GATAD2B: variants seen among roughly 807,000 people sequenced by gnomAD.
GATAD2B encodes transcriptional repressor p66-beta.
GATAD2B carries 8 observed loss-of-function variants against 64.3 expected under a neutral mutation model. That is an observed-to-expected ratio of 0.12 (90% confidence interval 0.07 to 0.22). The LOEUF is 0.22. Ranked by LOEUF, GATAD2B falls within the 10% of genes least tolerant of loss-of-function variation. The pLI is 1.00. For missense variants in GATAD2B, 453 were observed against 752.0 expected, an observed-to-expected ratio of 0.60 and a Z score of 4.65; for synonymous variants, 281 against 271.3, an observed-to-expected ratio of 1.04 and a Z score of -0.35.
intron 1 of GATAD2B, among the ~76,000 whole-genome samples, chr1:153,879,003 G>A (rs1237530284): frequency 6.6e-6 from 1 of 151,096 alleles, no homozygotes; most frequent in Non-Finnish European, 1.5e-5. Context: ...GCAGTGGTAC[G>A]ATCTTGGCTC....
chr1:153,874,634 T>C (rs1017238552), intron 1 of GATAD2B, among the ~76,000 whole-genome samples: 1 of 152,094 alleles, frequency 6.6e-6, no homozygotes, highest in Non-Finnish European at 1.5e-5. Context: ...TGGAGTGCAG[T>C]GGCGCGATCT....
intron 1 of GATAD2B, among the ~76,000 whole-genome samples, chr1:153,846,557 CTTTTTTTTTTTTT>C (rs887230575): frequency 8.8e-6 from 1 of 113,860 alleles, no homozygotes; most frequent in Non-Finnish European, 1.8e-5. Context: ...TCTTTGCGTT[CTTTTTTTTTTTTT>C]TTTTTTTTTG....
chr1:153,880,094 AT>A (rs1676962425), intron 1 of GATAD2B, among the ~76,000 whole-genome samples: 1 of 152,292 alleles, frequency 6.6e-6, no homozygotes, highest in Admixed American at 6.5e-5. Context: ...TTGCTCTATT[AT>A]CTGGCTTTTT....
intron 1 of GATAD2B, among the ~76,000 whole-genome samples, chr1:153,875,169 C>T (rs932550977): frequency 2.0e-5 from 3 of 151,980 alleles, no homozygotes; most frequent in East Asian, 1.9e-4. Flanking sequence ...TAAGCCACCA[C>T]GCCCAGCCAA....
At chr1:153,853,299 G>A in intron 1 of GATAD2B, 2 of 856,812 alleles carry the variant, frequency 2.3e-6, no homozygotes, top group South Asian at 1.4e-5. Flanking sequence ...TAGGACACTG[G>A]TCCTTTGTAC....
intron 1 of GATAD2B, among the ~76,000 whole-genome samples, chr1:153,920,930 T>C (rs984114158): frequency 6.6e-6 from 1 of 152,198 alleles, no homozygotes. Context: ...AATCCGATCC[T>C]TGACCCAGTC....
intron 1 of GATAD2B, among the ~76,000 whole-genome samples, chr1:153,830,498 C>G (rs1477647338): frequency 1.3e-5 from 1 of 79,820 alleles, no homozygotes; most frequent in Non-Finnish European, 2.9e-5. Flanking sequence ...TTTTTTGAGA[C>G]AGAGTCTCGC....
Position 153,817,360 on chromosome 1 carries a change from GCT to G in GATAD2B, c.900+10_900+11del. The G allele has an allele frequency of 1.3e-6, 2 of 1,535,652 alleles. No homozygotes were observed. The highest frequency in any genetic ancestry group is 1.8e-6 in the Non-Finnish European group (2 of 1,141,634). On this transcript the variant is annotated intron_variant, in intron 6 of 10. Coordinates refer to ENST00000368655, the MANE Select transcript of GATAD2B (RefSeq NM_020699.4). ...TTCTCTGTTTCCACATTAGGGCTCA[GCT>G]CTCTCTTACCGGTTGATAATTGATG...
At chr1:153,825,192 T>C (rs1196799467) in intron 2 of GATAD2B, among the ~76,000 whole-genome samples, 1 of 152,160 alleles carries the variant, frequency 6.6e-6, no homozygotes, top group Non-Finnish European at 1.5e-5. Flanking sequence ...CCCAATGAAG[T>C]GGGATAAGTT....
intron 1 of GATAD2B, among the ~76,000 whole-genome samples, chr1:153,909,300 G>A (rs1025464575): frequency 2.1e-4 from 32 of 151,496 alleles, no homozygotes; most frequent in African/African-American, 7.0e-4. Flanking sequence ...TGCAACCTCC[G>A]CCTCCTGGGT....
chr1:153,883,243 A>G (rs920839953), intron 1 of GATAD2B, among the ~76,000 whole-genome samples: 1 of 152,236 alleles, frequency 6.6e-6, no homozygotes, highest in Non-Finnish European at 1.5e-5. Context: ...TTATTTCTAA[A>G]TAAAAGTTTT....
chr1:153,852,255 T>C, intron 1 of GATAD2B: 1 of 1,229,180 alleles, frequency 8.1e-7, no homozygotes, highest in Non-Finnish European at 1.2e-6. Flanking sequence ...CATCAAGTCA[T>C]CTAAAGATTC....
intron 1 of GATAD2B, among the ~76,000 whole-genome samples, chr1:153,876,565 C>T (rs1676842102): frequency 6.6e-6 from 1 of 152,178 alleles, no homozygotes; most frequent in South Asian, 2.1e-4. Flanking sequence ...GTAAAGGTCG[C>T]TATGCTTAAA....
intron 1 of GATAD2B, among the ~76,000 whole-genome samples, chr1:153,909,839 T>G (rs1678061091): frequency 6.6e-6 from 1 of 151,160 alleles, no homozygotes; most frequent in Non-Finnish European, 1.5e-5. Context: ...TCCCAGTTAC[T>G]TGGGAGGCTG....
At chr1:153,884,795 T>C (rs1288678489) in intron 1 of GATAD2B, among the ~76,000 whole-genome samples, 1 of 152,074 alleles carries the variant, frequency 6.6e-6, no homozygotes, top group African/African-American at 2.4e-5. Flanking sequence ...TCTCGCTCCG[T>C]TGCCCAGCTG....
At chr1:153,901,160 G>A (rs1677757186) in intron 1 of GATAD2B, among the ~76,000 whole-genome samples, 1 of 151,486 alleles carries the variant, frequency 6.6e-6, no homozygotes, top group South Asian at 2.1e-4. Flanking sequence ...GTTGCAGTAA[G>A]CCGCCATAGT....
rs1674477640 is a variant in GATAD2B at position 153,816,234 on chromosome 1, C to T, written c.1216+39G>A. 7.2e-7 allele frequency: 1 copy of T among 1,394,970 alleles called. No homozygotes were observed. The highest frequency in any genetic ancestry group is 1.4e-5 in the African/African-American group (1 of 70,652). 86.4% of individuals were successfully genotyped at this position (1,394,970 alleles called of 1,614,324 possible). On this transcript the variant is annotated intron_variant, in intron 7 of 10. Transcript: ENST00000368655. The surrounding 1 kb of genome is among the most constrained non-coding windows in gnomAD (Gnocchi z 4.9). The stretch of plus-strand genomic sequence containing the variant: ...GCCTATGTCAATCAGGCTTGGCAAC[C>T]ACTTGCTTAAATAGATTGATTAGAA...
At chr1:153,855,915 T>A (rs1676070099) in intron 1 of GATAD2B, among the ~76,000 whole-genome samples, 1 of 152,056 alleles carries the variant, frequency 6.6e-6, no homozygotes, top group Non-Finnish European at 1.5e-5. Context: ...ACTCCTGGCC[T>A]CAACTGATTC....
chr1:153,875,039 C>G (rs955040250), intron 1 of GATAD2B, among the ~76,000 whole-genome samples: 1 of 152,020 alleles, frequency 6.6e-6, no homozygotes, highest in African/African-American at 2.4e-5. Flanking sequence ...TGCCACCATG[C>G]CCAGCATTTT....
Sources: gnomAD v4.1 joint callset for allele counts (sites outside exome capture counted in the v4.1 genomes callset) on GRCh38, gnomAD v4.1.1 for gene constraint, Gnocchi (gnomAD v3.1) non-coding constraint, MANE v1.5 for transcripts, NCBI Gene and HGNC (gene_info 2026-07-23, HGNC 2026-07-21) for gene names.